SPMIP8: variants seen among roughly 807,000 people sequenced by gnomAD.
The protein encoded by SPMIP8 is testicular tissue protein Li 196.
chr16:57,985,990 G>T, the SPMIP8 span: 6 of 1,558,476 alleles, frequency 3.8e-6, no homozygotes, highest in South Asian at 7.1e-5. Flanking sequence ...GTTCTCATCC[G>T]ACTGCTGGGG....
At chr16:57,986,175 T>A in the SPMIP8 span, 1 of 455,414 alleles carries the variant, frequency 2.2e-6, no homozygotes, top group Non-Finnish European at 3.8e-6. Flanking sequence ...TCCCACCAGG[T>A]TTGACTGGAG....
chr16:57,986,331 G>A, the SPMIP8 span: 4 of 200,726 alleles, frequency 2.0e-5, no homozygotes, highest in Non-Finnish European at 3.0e-5. Context: ...CGGCAGGGTC[G>A]CCCCACAAGT....
At chr16:57,985,197 T>C in the SPMIP8 span, 1 of 1,520,070 alleles carries the variant, frequency 6.6e-7, no homozygotes, top group Non-Finnish European at 8.8e-7. Flanking sequence ...AGGGGCTTTC[T>C]GTTCGCAGCG....
the SPMIP8 span, chr16:57,976,686 C>T: frequency 1.3e-6 from 2 of 1,598,808 alleles, no homozygotes; most frequent in Non-Finnish European, 1.7e-6. Flanking sequence ...CGTGATCCCC[C>T]TCCCTGTCCC....
chr16:57,983,984 G>A, the SPMIP8 span, among the ~76,000 whole-genome samples: 68 of 151,900 alleles, frequency 4.5e-4, no homozygotes, highest in African/African-American at 1.5e-3. Flanking sequence ...GATCACTGAA[G>A]CTTCGACCTC....
At chr16:57,977,698 G>A in the SPMIP8 span, 2 of 1,149,970 alleles carry the variant, frequency 1.7e-6, no homozygotes, top group South Asian at 2.9e-5. Context: ...CACAGTAGGT[G>A]CTAAATAAAT....
chr16:57,984,672 T>A, the SPMIP8 span: 1 of 1,595,040 alleles, frequency 6.3e-7, no homozygotes, highest in Non-Finnish European at 8.5e-7. Context: ...TCGCAACAGG[T>A]ACCACGAGGG....
the SPMIP8 span, chr16:57,987,345 T>C: frequency 5.5e-6 from 8 of 1,464,366 alleles, no homozygotes; most frequent in Non-Finnish European, 7.2e-6. Flanking sequence ...GCCTGATTTT[T>C]CCCCTAGGAC....
the SPMIP8 span, among the ~76,000 whole-genome samples, chr16:57,980,870 CTGT>C: frequency 6.6e-6 from 1 of 152,058 alleles, no homozygotes; most frequent in African/African-American, 2.4e-5. Flanking sequence ...ATTTTTGTTG[CTGT>C]TGTTGTTGTT....
the SPMIP8 span, among the ~76,000 whole-genome samples, chr16:57,983,592 T>TA: frequency 6.6e-6 from 1 of 151,960 alleles, no homozygotes; most frequent in African/African-American, 2.4e-5. Context: ...TATTTTATCT[T>TA]AGATTTTTTT....
the SPMIP8 span, among the ~76,000 whole-genome samples, chr16:57,981,260 A>T: frequency 6.6e-6 from 1 of 151,214 alleles, no homozygotes; most frequent in Non-Finnish European, 1.5e-5. Context: ...GTGTGCTTGT[A>T]ATCCCAGCTA....
chr16:57,987,144 T>C, the SPMIP8 span: 12 of 411,840 alleles, frequency 2.9e-5, no homozygotes, highest in Non-Finnish European at 4.7e-5. Context: ...CACTAAATGA[T>C]TGAAAAATGG....
At chr16:57,987,136 C>CTAAATGATTGAAAAA in the SPMIP8 span, 3 of 409,822 alleles carry the variant, frequency 7.3e-6, no homozygotes, top group African/African-American at 6.2e-5. Context: ...AGTAGGTTCA[C>CTAAATGATTGAAAAA]TAAATGATTG....
the SPMIP8 span, chr16:57,976,611 C>T: frequency 6.2e-7 from 1 of 1,614,048 alleles, no homozygotes; most frequent in South Asian, 1.1e-5. Context: ...GGCCTGGGCC[C>T]TACAGATAAG....
the SPMIP8 span, among the ~76,000 whole-genome samples, chr16:57,978,247 G>A: frequency 1.3e-5 from 2 of 152,172 alleles, no homozygotes; most frequent in East Asian, 3.9e-4. Flanking sequence ...GGGGTTAGAA[G>A]GAGATAAGGC....
chr16:57,984,324 T>G, the SPMIP8 span: 4 of 1,614,226 alleles, frequency 2.5e-6, no homozygotes, highest in South Asian at 4.4e-5. Context: ...AACGCCCATT[T>G]TACACTCCTT....
At chr16:57,986,140 G>A in the SPMIP8 span, 3 of 548,234 alleles carry the variant, frequency 5.5e-6, no homozygotes, top group Admixed American at 4.0e-5. Flanking sequence ...ACTGGGGTGG[G>A]GGTGGACGCG....
the SPMIP8 span, chr16:57,985,166 G>A: frequency 1.1e-4 from 163 of 1,464,640 alleles, no homozygotes; most frequent in African/African-American, 9.5e-4. Flanking sequence ...TGTCCTGGGG[G>A]GGGGCGGATG....
chr16:57,987,254 A>G, the SPMIP8 span: 2 of 797,558 alleles, frequency 2.5e-6, no homozygotes, highest in Non-Finnish European at 3.6e-6. Context: ...CTGAAAATAC[A>G]GAAAACAGGG....
Sources: allele counts gnomAD v4.1 joint callset (sites outside exome capture counted in the v4.1 genomes callset), GRCh38; gene constraint gnomAD v4.1.1; transcripts MANE v1.5; gene names NCBI Gene and HGNC (gene_info 2026-07-23, HGNC 2026-07-21).